The following DDX10 variants were observed in gnomAD, a reference collection of about 807,000 sequenced individuals.
The protein encoded by DDX10 is probable ATP-dependent RNA helicase DDX10.
Under a neutral mutation model 104.3 loss-of-function variants are expected in DDX10, and 74 were observed. That is an observed-to-expected ratio of 0.71 (90% CI 0.59 to 0.86). DDX10 has a LOEUF of 0.86. Among genes scored for constraint, DDX10 ranks in the 40% least tolerant of loss-of-function variants. The pLI, the probability that DDX10 is intolerant of heterozygous loss-of-function variation, is 0.00. For synonymous variants in DDX10, 351 were observed against 353.4 expected, an observed-to-expected ratio of 0.99 and a Z score of 0.08; for missense variants, 952 against 1,040.0, an observed-to-expected ratio of 0.92 and a Z score of 1.16.
intron 11 of DDX10, among the ~76,000 whole-genome samples, chr11:108,717,882 G>A (rs889614088): frequency 3.9e-5 from 6 of 152,220 alleles, no homozygotes; most frequent in African/African-American, 1.2e-4. Context: ...TGGATGGCTG[G>A]TTGGGGTGGC....
intron 13 of DDX10, among the ~76,000 whole-genome samples, chr11:108,819,846 G>C (rs367948104): frequency 6.6e-6 from 1 of 152,064 alleles, no homozygotes; most frequent in Non-Finnish European, 1.5e-5. Context: ...TGATCCACCC[G>C]CCTCGGCCTC....
chr11:108,881,370 A>C (rs1447374971), intron 16 of DDX10, among the ~76,000 whole-genome samples: 1 of 152,232 alleles, frequency 6.6e-6, no homozygotes. Flanking sequence ...CAAGCCTGCT[A>C]TTTGAGGTAA....
At chr11:108,746,509 A>T (rs759899128) in intron 13 of DDX10, among the ~76,000 whole-genome samples, 19 of 152,144 alleles carry the variant, frequency 1.2e-4, no homozygotes, top group Non-Finnish European at 1.8e-4. Context: ...ACAAACATTG[A>T]TGTACAAATT....
chr11:108,907,523 A>T (rs760643051), intron 16 of DDX10, among the ~76,000 whole-genome samples: 3 of 152,022 alleles, frequency 2.0e-5, no homozygotes, highest in Non-Finnish European at 4.4e-5. Context: ...TTTAGTAGAG[A>T]TGGGGTTTCA....
intron 16 of DDX10, among the ~76,000 whole-genome samples, chr11:108,910,578 A>G (rs1416377303): frequency 6.6e-6 from 1 of 152,230 alleles, no homozygotes; most frequent in Non-Finnish European, 1.5e-5. Flanking sequence ...TGTTTTAAGA[A>G]AAGTCATTCC....
intron 13 of DDX10, among the ~76,000 whole-genome samples, chr11:108,806,539 G>A (rs1291393600): frequency 3.9e-5 from 6 of 152,194 alleles, no homozygotes; most frequent in African/African-American, 1.4e-4. Context: ...GGCCATGTTA[G>A]CTGCAGAGCC....
chr11:108,711,295 A>G (rs571020553), intron 10 of DDX10, among the ~76,000 whole-genome samples: 17 of 152,230 alleles, frequency 1.1e-4, no homozygotes, highest in Admixed American at 3.3e-4. Flanking sequence ...GGTGTGTTTA[A>G]TCTCCATGTA....
intron 9 of DDX10, among the ~76,000 whole-genome samples, chr11:108,706,359 T>C (rs986198404): frequency 6.6e-6 from 1 of 152,200 alleles, no homozygotes; most frequent in Admixed American, 6.5e-5. Context: ...AATTGATTTT[T>C]TTTTAAAAAA....
At chr11:108,688,804 T>A in intron 6 of DDX10, 132 bp from the exon 7 acceptor site, 1 of 886,438 alleles carries the variant, frequency 1.1e-6, no homozygotes, top group Non-Finnish European at 1.7e-6. Context: ...GAAAAATTCT[T>A]TTTTTGGTGT....
chr11:108,743,026 A>T (rs1372903420), intron 13 of DDX10, among the ~76,000 whole-genome samples: 1 of 152,172 alleles, frequency 6.6e-6, no homozygotes, highest in Non-Finnish European at 1.5e-5. Context: ...CTCCTCCTGA[A>T]TTCATGAGGC....
At chr11:108,852,039 G>A in intron 15 of DDX10, 114 bp from the exon 16 acceptor site, 3 of 802,698 alleles carry the variant, frequency 3.7e-6, no homozygotes, top group Middle Eastern at 2.4e-4. Flanking sequence ...AATATTTGTT[G>A]AAAAATGAAT....
At position 108,665,102 on chromosome 11, in the gene DDX10, C is replaced by T. The variant is rs1343426498; in HGVS notation, c.-52C>T. The T allele has an allele frequency of 1.3e-5, 20 of 1,550,046 alleles. No homozygotes were observed. The highest frequency in any genetic ancestry group is 1.6e-5 in the Non-Finnish European group (19 of 1,153,266). ...CCCATGCTGGTTCCGTGAGTCTGGC[C>T]TTAGGTGTCTCGTGTCTGGGGTTGA... On this transcript the variant is annotated 5_prime_UTR_variant, in exon 1 of 18. Transcript: ENST00000322536.
intron 13 of DDX10, among the ~76,000 whole-genome samples, chr11:108,740,739 T>G (rs2094324143): frequency 1.3e-5 from 2 of 152,138 alleles, no homozygotes; most frequent in African/African-American, 4.8e-5. Flanking sequence ...TGATTAGGGA[T>G]GTTGAGCATT....
chr11:108,877,237 A>G (rs920138543), intron 16 of DDX10, among the ~76,000 whole-genome samples: 5 of 152,236 alleles, frequency 3.3e-5, no homozygotes, highest in African/African-American at 1.2e-4. Flanking sequence ...AAACTTGAAT[A>G]TAAATTTATG....
chr11:108,931,923 TG>T (rs1316925395), intron 17 of DDX10, among the ~76,000 whole-genome samples: 1 of 151,976 alleles, frequency 6.6e-6, no homozygotes, highest in African/African-American at 2.4e-5. Flanking sequence ...GCAGTAAGGT[TG>T]GTCTGATATG....
intron 17 of DDX10, among the ~76,000 whole-genome samples, chr11:108,923,429 AGAGT>A (rs1420124747): frequency 6.6e-6 from 1 of 152,260 alleles, no homozygotes; most frequent in Non-Finnish European, 1.5e-5. Flanking sequence ...GCCAAGGAAT[AGAGT>A]AAGAATCTTC....
chr11:108,711,395 C>T (rs575070078), intron 10 of DDX10, among the ~76,000 whole-genome samples: 16 of 152,290 alleles, frequency 1.1e-4, no homozygotes, highest in South Asian at 4.1e-4. Context: ...TGCAGTGGCA[C>T]GATCTCGGCT....
intron 16 of DDX10, among the ~76,000 whole-genome samples, chr11:108,861,350 C>T (rs889967319): frequency 2.0e-5 from 3 of 152,058 alleles, no homozygotes; most frequent in East Asian, 1.9e-4. Context: ...CCATTCTTGG[C>T]GTTTGGACGG....
At chr11:108,780,653 C>T (rs915895194) in intron 13 of DDX10, among the ~76,000 whole-genome samples, 3 of 152,156 alleles carry the variant, frequency 2.0e-5, no homozygotes, top group Non-Finnish European at 4.4e-5. Flanking sequence ...TTTATAACAA[C>T]ACATTGAAAT....
Sources: gnomAD v4.1 joint callset for allele counts (sites outside exome capture counted in the v4.1 genomes callset) on GRCh38, gnomAD v4.1.1 for gene constraint, MANE v1.5 for transcripts, NCBI Gene and HGNC (gene_info 2026-07-23, HGNC 2026-07-21) for gene names.